EPN2: variants seen among roughly 807,000 people sequenced by gnomAD.
EPN2 encodes the protein epsin 2.
A neutral mutation model predicts 61.7 loss-of-function variants in EPN2; 34 were observed. The observed-to-expected ratio is 0.55, with a 90% CI of 0.42 to 0.73. EPN2 has a LOEUF of 0.73. Ranked by LOEUF, EPN2 falls within the 30% of genes least tolerant of loss-of-function variation. The probability of loss-of-function intolerance (pLI) is 0.00; values close to 1 mark genes in which losing one functional copy is unlikely to be tolerated. For synonymous variants in EPN2, 349 were observed against 353.6 expected, an observed-to-expected ratio of 0.99 and a Z score of 0.15; for missense variants, 714 against 839.2, an observed-to-expected ratio of 0.85 and a Z score of 1.84.
At chr17:19,268,290 GGC>G (rs2152210999) in intron 1 of EPN2, among the ~76,000 whole-genome samples, 1 of 152,318 alleles carries the variant, frequency 6.6e-6, no homozygotes, top group Non-Finnish European at 1.5e-5. Flanking sequence ...TGTAGCTGCT[GGC>G]ATGGGGATCT....
intron 1 of EPN2, among the ~76,000 whole-genome samples, chr17:19,267,038 C>A (rs974168255): frequency 2.7e-5 from 4 of 148,464 alleles, no homozygotes; most frequent in East Asian, 2.1e-4. Flanking sequence ...ACGGGGTTTC[C>A]CCGTGTTAGC....
Position 19,334,184 on chromosome 17 carries a change from T to TGGTG in EPN2, c.1859_1862dup (p.Ser622GlyfsTer54). On this transcript the variant is annotated frameshift_variant, in exon 11 of 11. Coordinates refer to ENST00000314728, the MANE Select transcript of EPN2 (RefSeq NM_014964.5). LOFTEE classifies it high-confidence loss of function. The surrounding 1 kb of genome is among the most constrained non-coding windows in gnomAD (Gnocchi z 4.9). ...CCACTGGGCCCTGCAATGATGAACA[T>TGGTG]GGTGGGCAGTGTGGGTATACCCCCA... is the stretch of plus-strand genomic sequence containing the variant. 6.4e-7 allele frequency: 1 copy of TGGTG among 1,573,730 alleles called. No homozygotes were observed. Among genetic ancestry groups the TGGTG allele is most frequent in the Non-Finnish European group, 8.7e-7 (1 of 1,155,594 alleles).
intron 7 of EPN2, among the ~76,000 whole-genome samples, chr17:19,323,673 G>C (rs1192416025): frequency 6.6e-6 from 1 of 152,194 alleles, no homozygotes; most frequent in East Asian, 1.9e-4. Flanking sequence ...GAAAAACACA[G>C]TCAACTAGAA....
At chr17:19,320,733 T>A (rs780347426) in intron 7 of EPN2, among the ~76,000 whole-genome samples, 1 of 152,204 alleles carries the variant, frequency 6.6e-6, no homozygotes, top group Non-Finnish European at 1.5e-5. Context: ...ATGTCTTAGA[T>A]AATCAGGATG....
chr17:19,261,674 A>G (rs1387914547), intron 1 of EPN2, among the ~76,000 whole-genome samples: 3 of 152,210 alleles, frequency 2.0e-5, no homozygotes, highest in Non-Finnish European at 2.9e-5. Flanking sequence ...CATTTTCGGT[A>G]TGAACTTATG....
chr17:19,333,967 A>T lies in EPN2; in HGVS notation c.1639A>T (p.Thr547Ser), dbSNP rs1461893047. Residue 547 changes from threonine to serine, a missense_variant, in exon 11 of 11, where the codon ACC becomes TCC. Coordinates refer to ENST00000314728, the MANE Select transcript of EPN2 (RefSeq NM_014964.5). ...TTCTGTCTCCCCAGGTGCTCCCGCC[A>T]CCTCGGCCCCTGTTAACCCTTTCCA... ...NPFLAPGAPA[T>S]SAPVNPFQVN... 1 of 1,543,962 alleles carries T rather than the reference A, an allele frequency of 6.5e-7. No homozygotes were observed. Among genetic ancestry groups the T allele is most frequent in the East Asian group, 2.3e-5 (1 of 43,312 alleles).
chr17:19,295,617 C>T (rs1044729796), intron 4 of EPN2, among the ~76,000 whole-genome samples: 8 of 152,162 alleles, frequency 5.3e-5, no homozygotes, highest in Admixed American at 3.3e-4. Context: ...TGTGGTTTCT[C>T]GATGCTTTAA....
intron 1 of EPN2, among the ~76,000 whole-genome samples, 175 bp downstream of exon 1, chr17:19,237,706 T>G (rs2044830492): frequency 6.6e-6 from 1 of 152,006 alleles, no homozygotes; most frequent in Non-Finnish European, 1.5e-5. Flanking sequence ...GGGGATCCCC[T>G]TCTTTCCAAC....
intron 1 of EPN2, among the ~76,000 whole-genome samples, chr17:19,263,752 A>G (rs1383616511): frequency 2.0e-5 from 3 of 152,234 alleles, no homozygotes; most frequent in Non-Finnish European, 4.4e-5. Flanking sequence ...GCATTTGACC[A>G]GCAGCAGCTG....
intron 1 of EPN2, among the ~76,000 whole-genome samples, chr17:19,256,670 CCT>C (rs1262397599): frequency 6.6e-6 from 1 of 152,058 alleles, no homozygotes; most frequent in Non-Finnish European, 1.5e-5. Context: ...CTGAGGGGCT[CCT>C]CTCCTTGTCT....
chr17:19,263,921 GT>G (rs773769792), intron 1 of EPN2, among the ~76,000 whole-genome samples: 48 of 148,162 alleles, frequency 3.2e-4, no homozygotes, highest in Non-Finnish European at 6.6e-4. Flanking sequence ...GAGAAGGGGG[GT>G]TAGGGGCATG....
chr17:19,332,755 G>A (rs1907222464), intron 10 of EPN2, among the ~76,000 whole-genome samples: 1 of 152,210 alleles, frequency 6.6e-6, no homozygotes, highest in African/African-American at 2.4e-5. Flanking sequence ...CCTAATGAAA[G>A]CATCTTCCTC....
intron 4 of EPN2, among the ~76,000 whole-genome samples, chr17:19,298,409 T>A (rs1469298352): frequency 6.6e-6 from 1 of 152,220 alleles, no homozygotes; most frequent in African/African-American, 2.4e-5. Context: ...TTGGCTAGGC[T>A]GGTCTCAAAC....
chr17:19,289,653 C>G (rs2045440637), intron 4 of EPN2, among the ~76,000 whole-genome samples: 2 of 149,532 alleles, frequency 1.3e-5, no homozygotes, highest in African/African-American at 4.9e-5. Flanking sequence ...GCTGCAGGCA[C>G]ACTTTGGAAG....
At chr17:19,263,630 C>G (rs1285248145) in intron 1 of EPN2, among the ~76,000 whole-genome samples, 1 of 152,206 alleles carries the variant, frequency 6.6e-6, no homozygotes, top group African/African-American at 2.4e-5. Context: ...GTTATCCTCT[C>G]TCTTGTGTAA....
intron 7 of EPN2, among the ~76,000 whole-genome samples, chr17:19,327,426 C>T (rs1484711253): frequency 6.6e-6 from 1 of 152,114 alleles, no homozygotes; most frequent in Non-Finnish European, 1.5e-5. Flanking sequence ...ATTCCTAGCA[C>T]TTTGGGAGAC....
chr17:19,336,399 CT>C lies in EPN2; in HGVS notation c.*2148del, dbSNP rs1268676253. Reference sequence around the variant, plus strand: ...GGTCAGTGATTCTTTTGTAACGAGTCTTTCATGATGTGACTTTGAGGCCCCA... The same window carrying C: ...GGTCAGTGATTCTTTTGTAACGAGTCTTCATGATGTGACTTTGAGGCCCCA... On this transcript the variant is annotated 3_prime_UTR_variant, in exon 11 of 11. Transcript: ENST00000314728. 3.3e-5 allele frequency: 5 copies of C among 152,506 alleles called. No individual in the cohort carries two copies. The highest frequency in any genetic ancestry group is 5.9e-5 in the Non-Finnish European group (4 of 68,094). The allele number at this position is 152,506 out of a possible 1,614,324, so 9.4% of individuals were successfully genotyped here.
intron 1 of EPN2, among the ~76,000 whole-genome samples, chr17:19,272,826 G>C (rs1438919611): frequency 6.6e-6 from 1 of 152,180 alleles, no homozygotes; most frequent in South Asian, 2.1e-4. Context: ...CTACACTGAG[G>C]GGGAGGTGCA....
At chr17:19,287,944 C>T (rs530468741) in intron 4 of EPN2, among the ~76,000 whole-genome samples, 12 of 152,330 alleles carry the variant, frequency 7.9e-5, no homozygotes, top group Admixed American at 3.9e-4. Flanking sequence ...CTTGAATTGT[C>T]CATCTTGTTC....
Sources: gnomAD v4.1 joint callset for allele counts (sites outside exome capture counted in the v4.1 genomes callset) on GRCh38, gnomAD v4.1.1 for gene constraint, Gnocchi (gnomAD v3.1) non-coding constraint, MANE v1.5 for transcripts, NCBI Gene and HGNC (gene_info 2026-07-23, HGNC 2026-07-21) for gene names.